Variants in BCAS3 observed in about 807,000 individuals in gnomAD.
The protein encoded by BCAS3 is BCAS4/BCAS3 fusion.
Under a neutral mutation model 116.1 loss-of-function variants are expected in BCAS3, and 53 were observed. That is an observed-to-expected ratio of 0.46 (90% CI 0.37 to 0.57). The LOEUF (loss-of-function observed/expected upper bound fraction) is 0.57. BCAS3 is among the 20% of genes least tolerant of loss of function. BCAS3 has a pLI of 0.00. For synonymous variants in BCAS3, 391 were observed against 408.2 expected, an observed-to-expected ratio of 0.96 and a Z score of 0.51; for missense variants, 917 against 1,165.4, an observed-to-expected ratio of 0.79 and a Z score of 3.10.
At position 61,265,427 on chromosome 17, in the gene BCAS3, A is replaced by G. The variant is rs2049603656; in HGVS notation, c.2426-102900A>G. On this transcript the variant is annotated intron_variant, in intron 22 of 23. Transcript: ENST00000407086. The surrounding 1 kb of genome is among the most constrained non-coding windows in gnomAD (Gnocchi z 4.3). ...CTCAAGAAAAAAAAAAAAAGAAAGC[A>G]CAGTACCTGATACATAACAGATATT... Among the ~76,000 whole-genome samples the G allele has an allele frequency of 6.6e-6, 1 of 151,864 alleles. No homozygotes were observed. The highest frequency in any genetic ancestry group is 1.9e-4 in the East Asian group (1 of 5,204).
chr17:60,918,955 AGTGCT>A (rs1367986086), intron 12 of BCAS3, among the ~76,000 whole-genome samples: 1 of 151,964 alleles, frequency 6.6e-6, no homozygotes, highest in Non-Finnish European at 1.5e-5. Context: ...AGCCTCCCAA[AGTGCT>A]GGGATTACAG....
intron 23 of BCAS3, among the ~76,000 whole-genome samples, chr17:61,374,928 A>G (rs9891004): frequency 0.87 from 132,644 of 152,264 alleles, 58,531 homozygotes; most frequent in Non-Finnish European, 0.94. Context: ...CGCTTTGAAA[A>G]TCAATGCTCT....
rs540389237 is a variant in BCAS3, at chr17:61,285,840, C to T, written c.2426-82487C>T. On this transcript the variant is annotated intron_variant, in intron 22 of 23. Coordinates refer to ENST00000407086, the MANE Select transcript of BCAS3 (RefSeq NM_017679.5). The surrounding 1 kb of genome is among the most constrained non-coding windows in gnomAD (Gnocchi z 5.4). ...GTTTCTCATGTCTTCCCTCCCATCT[C>T]CAGTCCCTACTTTAGGCGAATCAGC... is the stretch of plus-strand genomic sequence containing the variant. Among the ~76,000 whole-genome samples, 6 of 152,326 alleles carry T rather than the reference C, an allele frequency of 3.9e-5. No individual in the cohort carries two copies. The highest frequency in any genetic ancestry group is 3.4e-3 in the Middle Eastern group (1 of 294).
chr17:61,068,779 C>T lies in BCAS3; in HGVS notation c.2030-6141C>T, dbSNP rs141144303. On this transcript the variant is annotated intron_variant, in intron 19 of 23. Transcript: ENST00000407086. This position sits in a 1 kb window ranked among gnomAD's most constrained non-coding sequence, Gnocchi z 4.3. ...CCTTTCTGTCTCTGCCAGTCTCGCTCCAATCTCAGGGTATCATTCCTAATA... is the reference window on the plus strand; with the variant it reads ...CCTTTCTGTCTCTGCCAGTCTCGCTTCAATCTCAGGGTATCATTCCTAATA... 1.3e-5 allele frequency among the ~76,000 whole-genome samples: 2 copies of T among 152,160 alleles called. No homozygotes were observed. Among genetic ancestry groups the T allele is most frequent in the Non-Finnish European group, 2.9e-5 (2 of 68,036 alleles).
chr17:61,052,450 A>C lies in BCAS3; in HGVS notation c.2029+11558A>C, dbSNP rs1213773743. On this transcript the variant is annotated intron_variant, in intron 19 of 23. Transcript: ENST00000407086. The stretch of plus-strand genomic sequence containing the variant: ...ACCATATGGAATATTATGGAACCAT[A>C]GGCAGCACGACGTGTTAGAAGGCAG... Among the ~76,000 whole-genome samples, 3 of 152,128 alleles carry C rather than the reference A, an allele frequency of 2.0e-5. 1 individual carries two copies. The highest frequency in any genetic ancestry group is 2.0e-4 in the Admixed American group (3 of 15,284).
At chr17:61,039,404 T>C (rs2067319955) in intron 18 of BCAS3, among the ~76,000 whole-genome samples, 1 of 152,168 alleles carries the variant, frequency 6.6e-6, no homozygotes, top group Admixed American at 6.5e-5. Flanking sequence ...TGAACATTCA[T>C]GTACAGATTC....
intron 7 of BCAS3, among the ~76,000 whole-genome samples, chr17:60,824,217 G>T (rs1220145195): frequency 6.6e-6 from 1 of 152,160 alleles, no homozygotes; most frequent in East Asian, 1.9e-4. Context: ...AGAAATTACA[G>T]TCACTAAGTA....
chr17:61,357,294 T>C (rs896470685), intron 22 of BCAS3, among the ~76,000 whole-genome samples: 3 of 145,712 alleles, frequency 2.1e-5, no homozygotes, highest in Non-Finnish European at 3.0e-5. Context: ...AATAAATAAA[T>C]AAAATAACAG....
chr17:60,712,317 A>C (rs2038030496), intron 5 of BCAS3, among the ~76,000 whole-genome samples: 1 of 151,904 alleles, frequency 6.6e-6, no homozygotes, highest in Admixed American at 6.6e-5. Context: ...TTGAGGCTGC[A>C]GTGAGCCATG....
At chr17:61,195,163 A>T (rs916418877) in intron 22 of BCAS3, among the ~76,000 whole-genome samples, 3 of 152,178 alleles carry the variant, frequency 2.0e-5, no homozygotes, top group African/African-American at 4.8e-5. Flanking sequence ...ACATTTCTTT[A>T]TTCTTTACAT....
intron 1 of BCAS3, among the ~76,000 whole-genome samples, chr17:60,678,606 T>G (rs1487077255): frequency 2.0e-5 from 3 of 152,208 alleles, no homozygotes; most frequent in African/African-American, 4.8e-5. Context: ...TTATGTTAGT[T>G]ATTTGACTAC....
intron 5 of BCAS3, among the ~76,000 whole-genome samples, chr17:60,732,216 T>C (rs1418447522): frequency 1.3e-5 from 2 of 152,206 alleles, no homozygotes; most frequent in Non-Finnish European, 2.9e-5. Context: ...GGTGTTACTT[T>C]TTAGCTTTTT....
rs540161388 is a variant in BCAS3, at chr17:61,105,061, A to C, written c.2425+20497A>C. Among the ~76,000 whole-genome samples the C allele has an allele frequency of 6.6e-6, 1 of 152,216 alleles. No individual in the cohort carries two copies. The highest frequency in any genetic ancestry group is 1.9e-4 in the East Asian group (1 of 5,184). On this transcript the variant is annotated intron_variant, in intron 22 of 23. Coordinates refer to ENST00000407086, the MANE Select transcript of BCAS3 (RefSeq NM_017679.5). This position sits in a 1 kb window ranked among gnomAD's most constrained non-coding sequence, Gnocchi z 4.3. ...GCTGTTGGCTCAGCTGTGGCTTTTT[A>C]TGGAACCATAGCTGCATTTCCATCT... is the stretch of plus-strand genomic sequence containing the variant.
chr17:61,007,265 C>G lies in BCAS3; in HGVS notation c.1487-8486C>G, dbSNP rs950181432. Among the ~76,000 whole-genome samples the G allele has an allele frequency of 6.6e-6, 1 of 151,858 alleles. No homozygotes were observed. Among genetic ancestry groups the G allele is most frequent in the Non-Finnish European group, 1.5e-5 (1 of 67,930 alleles). On this transcript the variant is annotated intron_variant, in intron 15 of 23. Transcript: ENST00000407086. This position sits in a 1 kb window ranked among gnomAD's most constrained non-coding sequence, Gnocchi z 4.3. ...TCCTTTTCTAGGGAATTTTTGCCTC[C>G]TAAGTTTTCAATATTCCTTGTTCTA...
At chr17:60,895,612 A>T (rs2057455756) in intron 10 of BCAS3, among the ~76,000 whole-genome samples, 1 of 151,730 alleles carries the variant, frequency 6.6e-6, no homozygotes. Flanking sequence ...ATTCTTTTTT[A>T]GCTCCTTTGG....
At position 61,392,693 on chromosome 17, in the gene BCAS3, C is replaced by T. The variant is rs1234624679; in HGVS notation, c.*568C>T. ...TTCCTCCTTTCTTTCCCCATCTGTT[C>T]ATGGGAAGAGTTTGTCTTTCTTATC... is the stretch of plus-strand genomic sequence containing the variant. On this transcript the variant is annotated 3_prime_UTR_variant, in exon 24 of 24. Transcript: ENST00000407086. The surrounding 1 kb of genome is among the most constrained non-coding windows in gnomAD (Gnocchi z 6.4). The T allele has an allele frequency of 6.5e-6, 1 of 154,160 alleles. No individual in the cohort carries two copies. The highest frequency in any genetic ancestry group is 2.0e-4 in the South Asian group (1 of 4,886). 9.5% of individuals were successfully genotyped at this position (154,160 alleles called of 1,614,324 possible). A position where few individuals can be genotyped will look rare whatever the true frequency, so the allele number is the denominator to read the frequency against.
chr17:61,341,699 C>A (rs538061362), intron 22 of BCAS3, among the ~76,000 whole-genome samples: 1 of 152,296 alleles, frequency 6.6e-6, no homozygotes, highest in East Asian at 1.9e-4. Context: ...ACACCCAGTC[C>A]AAAGCCGCAA....
chr17:61,163,985 G>A (rs1414871963), intron 22 of BCAS3, among the ~76,000 whole-genome samples: 19 of 79,574 alleles, frequency 2.4e-4, no homozygotes, highest in African/African-American at 9.7e-4. Context: ...CAACAAGAAC[G>A]AAACTCCATC....
rs199905153 is a variant in BCAS3 at position 61,122,942 on chromosome 17, CTTT to C, written c.2425+38392_2425+38394del. ...GAAAGATTCCACATTATGGGTAAGT[CTTT>C]TTTTTTTTTTTTTGAGATGGAGTTT... On this transcript the variant is annotated intron_variant, in intron 22 of 23. Coordinates refer to ENST00000407086, the MANE Select transcript of BCAS3 (RefSeq NM_017679.5). This position sits in a 1 kb window ranked among gnomAD's most constrained non-coding sequence, Gnocchi z 4.6. Among the ~76,000 whole-genome samples, 5 of 136,252 alleles carry C rather than the reference CTTT, an allele frequency of 3.7e-5. No homozygotes were observed. The highest frequency in any genetic ancestry group is 2.7e-5 in the African/African-American group (1 of 37,434). 89.4% of individuals were successfully genotyped at this position (136,252 alleles called of 152,430 possible).
Sources: gnomAD v4.1 joint callset for allele counts (sites outside exome capture counted in the v4.1 genomes callset) on GRCh38, gnomAD v4.1.1 for gene constraint, Gnocchi (gnomAD v3.1) non-coding constraint, MANE v1.5 for transcripts, NCBI Gene and HGNC (gene_info 2026-07-23, HGNC 2026-07-21) for gene names.